STXBP5: variants seen among roughly 807,000 people sequenced by gnomAD.
STXBP5 encodes syntaxin binding protein 5.
In STXBP5, 50 loss-of-function variants were observed where a neutral mutation model predicts 152.4. That is an observed-to-expected ratio of 0.33 (90% confidence interval 0.26 to 0.42). The LOEUF (loss-of-function observed/expected upper bound fraction) is 0.42, where lower values mean the gene tolerates loss of function less well. STXBP5 is among the 10% of genes least tolerant of loss of function. STXBP5 has a pLI of 1.00. For synonymous variants in STXBP5, 492 were observed against 494.7 expected, an observed-to-expected ratio of 0.99 and a Z score of 0.07; for missense variants, 1,167 against 1,388.6, an observed-to-expected ratio of 0.84 and a Z score of 2.54.
At chr6:147,372,455 T>TTTG (rs1785602500) in intron 25 of STXBP5, among the ~76,000 whole-genome samples, 1 of 104,778 alleles carries the variant, frequency 9.5e-6, no homozygotes, top group Non-Finnish European at 1.8e-5. Flanking sequence ...TTTTTTTTTT[T>TTTG]TTTGAGACAG....
intron 22 of STXBP5, among the ~76,000 whole-genome samples, chr6:147,358,124 A>T (rs988554284): frequency 6.6e-6 from 1 of 152,146 alleles, no homozygotes; most frequent in African/African-American, 2.4e-5. Context: ...CCTTAAGTGA[A>T]TGTGGATTGC....
intron 7 of STXBP5, among the ~76,000 whole-genome samples, chr6:147,272,682 T>G (rs1412967943): frequency 6.6e-6 from 1 of 152,196 alleles, no homozygotes; most frequent in Non-Finnish European, 1.5e-5. Flanking sequence ...GTATTCAAAT[T>G]CATTTTTATT....
At chr6:147,226,310 A>AG (rs1777707891) in intron 2 of STXBP5, among the ~76,000 whole-genome samples, 1 of 152,136 alleles carries the variant, frequency 6.6e-6, no homozygotes, top group Non-Finnish European at 1.5e-5. Context: ...AAAAAAAAAA[A>AG]AAAGATATTA....
chr6:147,260,564 A>G, intron 4 of STXBP5, 51 bp from the exon 5 acceptor site: 2 of 1,610,166 alleles, frequency 1.2e-6, no homozygotes, highest in East Asian at 2.2e-5. Flanking sequence ...TGCAATTAGT[A>G]AAATTTGCCA....
intron 25 of STXBP5, 106 bp from the exon 26 acceptor site, chr6:147,373,625 A>T (rs1785669078): frequency 1.4e-6 from 1 of 718,166 alleles, no homozygotes; most frequent in African/African-American, 1.8e-5. Flanking sequence ...GAATCTCAAC[A>T]GGTAATGTTC....
intron 21 of STXBP5, among the ~76,000 whole-genome samples, chr6:147,345,375 A>G (rs1784280497): frequency 6.6e-6 from 1 of 152,186 alleles, no homozygotes; most frequent in Non-Finnish European, 1.5e-5. Flanking sequence ...ATACATGACA[A>G]GAGAGTTTCT....
intron 24 of STXBP5, 81 bp downstream of exon 24, chr6:147,363,785 C>G: frequency 6.6e-7 from 1 of 1,507,592 alleles, no homozygotes; most frequent in East Asian, 2.3e-5. Flanking sequence ...AAAAGAAATG[C>G]TTTTTGTGTG....
intron 9 of STXBP5, among the ~76,000 whole-genome samples, chr6:147,297,860 T>A (rs1358753843): frequency 1.3e-5 from 2 of 150,242 alleles, no homozygotes; most frequent in Non-Finnish European, 3.0e-5. Context: ...TCACAGCAGA[T>A]GCACAAACAA....
intron 2 of STXBP5, among the ~76,000 whole-genome samples, chr6:147,216,061 C>T (rs374573257): frequency 5.9e-5 from 9 of 151,950 alleles, no homozygotes; most frequent in Admixed American, 3.3e-4. Context: ...CAAAAATAAC[C>T]GGGAAAAAAC....
chr6:147,243,639 C>T (rs1220494487), intron 4 of STXBP5, among the ~76,000 whole-genome samples: 1 of 152,094 alleles, frequency 6.6e-6, no homozygotes, highest in African/African-American at 2.4e-5. Flanking sequence ...ATATCTAAAA[C>T]ATCCATCACC....
At chr6:147,214,459 T>TCAATG (rs1777058180) in intron 2 of STXBP5, among the ~76,000 whole-genome samples, 5 of 152,236 alleles carry the variant, frequency 3.3e-5, no homozygotes, top group Admixed American at 6.5e-5. Flanking sequence ...CATAGTTTAC[T>TCAATG]GCTTACTAGT....
At chr6:147,294,795 A>G (rs1000763623) in intron 9 of STXBP5, among the ~76,000 whole-genome samples, 8 of 152,204 alleles carry the variant, frequency 5.3e-5, no homozygotes, top group African/African-American at 1.9e-4. Context: ...GGAAATAGAG[A>G]GCACTGCATA....
intron 13 of STXBP5, 121 bp from the exon 14 acceptor site, chr6:147,314,475 C>A: frequency 7.7e-7 from 1 of 1,304,590 alleles, no homozygotes; most frequent in Non-Finnish European, 1.1e-6. Flanking sequence ...AAGAACCTGC[C>A]AGTTTACCCT....
rs757158350 is a variant in STXBP5, at chr6:147,325,001, A to G, written c.1845A>G (p.Thr615=). ...TTAAACAGTCTCCAGGTTATCAAAC[A>G]GAACTAGTTATTCAGTTGGTTTGGG... is the stretch of plus-strand genomic sequence containing the variant. The part of the protein sequence containing the change: ...SPLKQSPGYQ[T]ELVIQLVWVG... Residue 615 remains threonine, a synonymous_variant, in exon 17 of 28, where the codon ACA becomes ACG. Coordinates refer to ENST00000321680, the MANE Select transcript of STXBP5 (RefSeq NM_001127715.4). The G allele has an allele frequency of 6.3e-6, 10 of 1,597,992 alleles. No individual in the cohort carries two copies. The highest frequency in any genetic ancestry group is 1.7e-4 in the Middle Eastern group (1 of 5,992).
chr6:147,314,000 C>T lies in STXBP5; in HGVS notation c.1262C>T (p.Ala421Val), dbSNP rs766297389. The change falls in exon 12 of 28, where the codon GCT (alanine) becomes GTT (valine). Residue 421 changes from alanine to valine, a missense_variant. Coordinates refer to ENST00000321680, the MANE Select transcript of STXBP5 (RefSeq NM_001127715.4). ...DLIPALYSVGARQKRQGYSKK... is the reference protein window; with the variant it reads ...DLIPALYSVGVRQKRQGYSKK... ...ATTCCTGCACTTTATTCTGTTGGAG[C>T]TAGACAGAAACGTCAAGGTTACAGC... 18 of 1,596,572 alleles carry T rather than the reference C, an allele frequency of 1.1e-5. No homozygotes were observed. Among genetic ancestry groups the T allele is most frequent in the South Asian group, 6.8e-5 (6 of 87,702 alleles).
intron 2 of STXBP5, among the ~76,000 whole-genome samples, chr6:147,219,185 T>C (rs1486022181): frequency 6.6e-6 from 1 of 152,208 alleles, no homozygotes; most frequent in Admixed American, 6.5e-5. Flanking sequence ...TCAGTTGATA[T>C]AATCATGTGA....
At chr6:147,271,306 A>T (rs927160843) in intron 7 of STXBP5, among the ~76,000 whole-genome samples, 1 of 152,186 alleles carries the variant, frequency 6.6e-6, no homozygotes, top group Non-Finnish European at 1.5e-5. Flanking sequence ...CAAAATGACT[A>T]TATTAATATC....
At chr6:147,325,130 A>G (rs756219893) in intron 17 of STXBP5, 46 bp downstream of exon 17, 3 of 1,364,108 alleles carry the variant, frequency 2.2e-6, no homozygotes, top group East Asian at 2.7e-5. Context: ...ATAGTATTCC[A>G]TATGTCATTT....
intron 3 of STXBP5, among the ~76,000 whole-genome samples, chr6:147,238,820 A>G (rs951498725): frequency 1.3e-5 from 2 of 152,178 alleles, no homozygotes; most frequent in African/African-American, 4.8e-5. Context: ...TGCTCTGCTA[A>G]TCAAGGAAGT....
Sources: gnomAD v4.1 joint callset for allele counts (sites outside exome capture counted in the v4.1 genomes callset) on GRCh38, gnomAD v4.1.1 for gene constraint, MANE v1.5 for transcripts, NCBI Gene and HGNC (gene_info 2026-07-23, HGNC 2026-07-21) for gene names.